Variants in B3GALNT2 observed in about 807,000 individuals in gnomAD.
B3GALNT2 encodes the protein UDP-GalNAc:beta-1,3-N-acetylgalactosaminyltransferase 2.
A neutral mutation model predicts 61.1 loss-of-function variants in B3GALNT2; 53 were observed. The observed-to-expected ratio is 0.87, with a 90% CI of 0.70 to 1.09. The LOEUF (loss-of-function observed/expected upper bound fraction) is 1.09. B3GALNT2 is among the 50% of genes least tolerant of loss of function. B3GALNT2 has a pLI of 0.00. For missense variants in B3GALNT2, 544 were observed against 623.0 expected (o/e 0.87, Z 1.35); for synonymous variants, 223 against 237.4 (o/e 0.94, Z 0.56).
At chr1:235,453,272 G>C in intron 10 of B3GALNT2, 126 bp from the exon 11 acceptor site, 1 of 916,012 alleles carries the variant, frequency 1.1e-6, no homozygotes, top group Non-Finnish European at 1.7e-6. Flanking sequence ...ATTCTAATAT[G>C]AAATAGCAAA....
Position 235,449,589 on chromosome 1 carries a change from T to C in B3GALNT2, c.*617A>G, listed in dbSNP as rs1682768609. On this transcript the variant is annotated 3_prime_UTR_variant, in exon 12 of 12. Coordinates refer to ENST00000366600, the MANE Select transcript of B3GALNT2 (RefSeq NM_152490.5). ...GTATTAGTCTACCATATAAATGAAC[T>C]TCTTTAAAACCAAGGTTCAGAACTG... is the stretch of plus-strand genomic sequence containing the variant. The C allele has an allele frequency of 6.6e-6, 1 of 152,426 alleles. No individual in the cohort carries two copies. The highest frequency in any genetic ancestry group is 1.5e-5 in the Non-Finnish European group (1 of 68,218). The allele number at this position is 152,426 out of a possible 1,614,324, so 9.4% of individuals were successfully genotyped here.
In B3GALNT2 at chr1:235,448,864, G is replaced by GT. The variant is rs757692186; in HGVS notation, c.*1341dup. On this transcript the variant is annotated 3_prime_UTR_variant, in exon 12 of 12. Transcript: ENST00000366600. The stretch of plus-strand genomic sequence containing the variant: ...CAATTCTACTGTCAAAACAAAGGGG[G>GT]TTTACAACTTGTCCTAAGTATAACA... 5.6e-6 allele frequency: 5 copies of GT among 896,252 alleles called. No homozygotes were observed. The highest frequency in any genetic ancestry group is 1.9e-5 in the Admixed American group (1 of 51,968). 55.5% of individuals were successfully genotyped at this position (896,252 alleles called of 1,614,324 possible).
intron 1 of B3GALNT2, among the ~76,000 whole-genome samples, chr1:235,496,875 A>G (rs971623890): frequency 1.3e-5 from 2 of 152,144 alleles, no homozygotes; most frequent in Admixed American, 6.5e-5. Flanking sequence ...ACACCCAAAG[A>G]ATTCAGTAAC....
intron 1 of B3GALNT2, among the ~76,000 whole-genome samples, chr1:235,497,815 A>G (rs1440506138): frequency 6.6e-6 from 1 of 152,204 alleles, no homozygotes; most frequent in Non-Finnish European, 1.5e-5. Flanking sequence ...TAATTGTCAA[A>G]CAAGATTTTT....
chr1:235,501,327 T>G (rs1187415950), intron 1 of B3GALNT2, among the ~76,000 whole-genome samples: 2 of 152,136 alleles, frequency 1.3e-5, no homozygotes, highest in Non-Finnish European at 2.9e-5. Flanking sequence ...CCTATCACAT[T>G]AAAAAAGTTG....
rs533262542 is a variant in B3GALNT2 at position 235,481,648 on chromosome 1, G to GT, written c.556-1500dup. 5.5e-4 allele frequency among the ~76,000 whole-genome samples: 82 copies of GT among 149,604 alleles called. 1 individual carries two copies. Among genetic ancestry groups the GT allele is most frequent in the Admixed American group, 1.4e-3 (21 of 14,974 alleles). ...CGTGAGCCATTGCGCCTGGCTGATA[G>GT]TTTTTTTTTTAAACTATATATACTA... On this transcript the variant is annotated intron_variant, in intron 4 of 11. Coordinates refer to ENST00000366600, the MANE Select transcript of B3GALNT2 (RefSeq NM_152490.5).
chr1:235,463,300 C>A (rs1572498508), intron 7 of B3GALNT2, among the ~76,000 whole-genome samples: 1 of 151,952 alleles, frequency 6.6e-6, no homozygotes, highest in Non-Finnish European at 1.5e-5. Flanking sequence ...GATGGGTGCA[C>A]CAAAATCTCA....
rs534508633 is a variant in B3GALNT2, at chr1:235,494,736, C to T, written c.205G>A (p.Val69Met). The T allele has an allele frequency of 4.0e-5, 64 of 1,612,866 alleles. No individual in the cohort carries two copies. Among genetic ancestry groups the T allele is most frequent in the South Asian group, 2.5e-4 (23 of 91,036 alleles). The change falls in exon 2 of 12, where the codon GTG (valine) becomes ATG (methionine). Residue 69 changes from valine to methionine, a missense_variant. Val to Met is a conservative substitution (Grantham distance 21). Transcript: ENST00000366600. ...SARNNHELRN[V>M]IRSTWMRHLL... ...TGTCTCATCCAGGTGCTTCTTATCA[C>T]GTTTCGAAGTTCATGGTTATTGCGA...
At chr1:235,493,933 A>G (rs565815881) in intron 2 of B3GALNT2, among the ~76,000 whole-genome samples, 2 of 152,258 alleles carry the variant, frequency 1.3e-5, no homozygotes, top group South Asian at 4.1e-4. Flanking sequence ...CTAGTCCCTC[A>G]CTACACAATC....
Position 235,480,905 on chromosome 1 carries a change from C to CAAA in B3GALNT2, c.556-759_556-757dup, listed in dbSNP as rs55666590. ...TGGACCGCAGAGCCAGACTCTGTCTCAAAAAAAAAAAAAAAAAAAAAAAAA... is the reference window on the plus strand; with the variant it reads ...TGGACCGCAGAGCCAGACTCTGTCTCAAAAAAAAAAAAAAAAAAAAAAAAAAAA... On this transcript the variant is annotated intron_variant, in intron 4 of 11. Transcript: ENST00000366600. 4.8e-4 allele frequency among the ~76,000 whole-genome samples: 15 copies of CAAA among 31,170 alleles called. 2 individuals carry two copies. Among genetic ancestry groups the CAAA allele is most frequent in the African/African-American group, 1.1e-3 (8 of 7,290 alleles). 20.4% of individuals were successfully genotyped at this position (31,170 alleles called of 152,430 possible).
intron 3 of B3GALNT2, among the ~76,000 whole-genome samples, chr1:235,484,863 A>C (rs1684727710): frequency 6.6e-6 from 1 of 152,240 alleles, no homozygotes; most frequent in Admixed American, 6.5e-5. Context: ...AAATAGAAAT[A>C]AGAAAAACAG....
chr1:235,503,995 G>T, intron 1 of B3GALNT2, 146 bp downstream of exon 1: 1 of 913,368 alleles, frequency 1.1e-6, no homozygotes. Flanking sequence ...ACGCTCCAAG[G>T]ATGAAAAGAG....
At chr1:235,453,259 AT>A (rs1339865208) in intron 10 of B3GALNT2, 113 bp from the exon 11 acceptor site, 5 of 1,076,876 alleles carry the variant, frequency 4.6e-6, no homozygotes, top group Non-Finnish European at 5.5e-6. Context: ...TTGCTCTGTT[AT>A]TATTCTAATA....
In B3GALNT2 at chr1:235,474,962, TA is replaced by T. The variant is rs1558425121; in HGVS notation, c.652-4003del. On this transcript the variant is annotated intron_variant, in intron 5 of 11. Coordinates refer to ENST00000366600, the MANE Select transcript of B3GALNT2 (RefSeq NM_152490.5). ...ATAAAATTAGAGACATATATATATA[TA>T]TATATATATATATATATATATATAT... 4.1e-4 allele frequency among the ~76,000 whole-genome samples: 10 copies of T among 24,264 alleles called. 1 individual carries two copies. Among genetic ancestry groups the T allele is most frequent in the African/African-American group, 8.3e-4 (4 of 4,828 alleles). 15.9% of individuals were successfully genotyped at this position (24,264 alleles called of 152,430 possible). A position where few individuals can be genotyped will look rare whatever the true frequency, so the allele number is the denominator to read the frequency against.
In B3GALNT2 at chr1:235,448,801, G is replaced by A. The variant is rs373300985; in HGVS notation, c.*1405C>T. 282 of 1,379,176 alleles carry A rather than the reference G, an allele frequency of 2.0e-4. No homozygotes were observed. Among genetic ancestry groups the A allele is most frequent in the Non-Finnish European group, 2.7e-4 (258 of 968,622 alleles). The allele number at this position is 1,379,176 out of a possible 1,614,324, so 85.4% of individuals were successfully genotyped here. ...AAATTTAAAGACCACACTGCTTATCGTGTCTGGGGTTCACCGGAAATAAAT... is the reference window on the plus strand; with the variant it reads ...AAATTTAAAGACCACACTGCTTATCATGTCTGGGGTTCACCGGAAATAAAT... On this transcript the variant is annotated 3_prime_UTR_variant, in exon 12 of 12. Coordinates refer to ENST00000366600, the MANE Select transcript of B3GALNT2 (RefSeq NM_152490.5).
chr1:235,495,849 T>G (rs1685294421), intron 1 of B3GALNT2, among the ~76,000 whole-genome samples: 1 of 152,170 alleles, frequency 6.6e-6, no homozygotes, highest in Non-Finnish European at 1.5e-5. Context: ...TTATATACCA[T>G]GGGATCTAGG....
At chr1:235,497,146 T>C (rs1042914577) in intron 1 of B3GALNT2, among the ~76,000 whole-genome samples, 1 of 152,204 alleles carries the variant, frequency 6.6e-6, no homozygotes, top group Non-Finnish European at 1.5e-5. Context: ...TGATGGAAGT[T>C]GTACCTAGTG....
chr1:235,474,962 TATATATATATATATATA>T (rs1684175803), intron 5 of B3GALNT2, among the ~76,000 whole-genome samples: 1 of 24,264 alleles, frequency 4.1e-5, no homozygotes, highest in African/African-American at 2.1e-4. Flanking sequence ...TATATATATA[TATATATATATATATATA>T]TATATATATT....
chr1:235,501,030 A>G (rs1441851142), intron 1 of B3GALNT2, among the ~76,000 whole-genome samples: 1 of 152,218 alleles, frequency 6.6e-6, no homozygotes, highest in East Asian at 1.9e-4. Context: ...CACAGAATCT[A>G]ACACTCAAGT....
Sources: allele counts gnomAD v4.1 joint callset (sites outside exome capture counted in the v4.1 genomes callset), GRCh38; gene constraint gnomAD v4.1.1; transcripts MANE v1.5; gene names NCBI Gene and HGNC (gene_info 2026-07-23, HGNC 2026-07-21).